Variants in SREBF2 observed in about 807,000 individuals in gnomAD.
The protein encoded by SREBF2 is sterol regulatory element binding transcription factor 2.
Under a neutral mutation model 113.1 loss-of-function variants are expected in SREBF2, and 55 were observed. The ratio of observed to expected loss-of-function variants is 0.49; its 90% CI spans 0.39 to 0.61. The LOEUF is 0.61. SREBF2 is among the 20% of genes least tolerant of loss of function. The pLI, the probability that SREBF2 is intolerant of heterozygous loss-of-function variation, is 0.00. For synonymous variants in SREBF2, 593 were observed against 605.7 expected (o/e 0.98, Z 0.31); for missense variants, 1,349 against 1,487.4 (o/e 0.91, Z 1.53).
At chr22:41,850,250 C>T (rs1372138780) in intron 1 of SREBF2, among the ~76,000 whole-genome samples, 3 of 151,972 alleles carry the variant, frequency 2.0e-5, no homozygotes, top group Non-Finnish European at 2.9e-5. Flanking sequence ...GAGATCAAGA[C>T]CATCCTGGCT....
Position 41,904,945 on chromosome 22 carries a change from G to T in SREBF2, c.3176G>T (p.Arg1059Leu). The T allele has an allele frequency of 6.2e-7, 1 of 1,601,670 alleles. No individual in the cohort carries two copies. The highest frequency in any genetic ancestry group is 8.5e-7 in the Non-Finnish European group (1 of 1,177,812). ...CACCAGCTGCTGGAACACAGCCTGC[G>T]GCGGCGCACCACGCAGAGCACCAAG... ...RTHQLLEHSL[R>L]RRTTQSTKHG... The change falls in exon 18 of 19, where the codon CGG becomes CTG. Residue 1059 changes from arginine to leucine, a missense_variant. Physicochemically the swap from Arg to Leu is moderately radical, Grantham distance 102. Around this residue, in one of 2 missense-constraint regions of SREBF2, gnomAD observed 650 missense variants for 644.1 expected, o/e 1.01. Transcript: ENST00000361204.
intron 11 of SREBF2, among the ~76,000 whole-genome samples, chr22:41,890,339 G>A (rs2077348011): frequency 1.3e-5 from 2 of 152,182 alleles, no homozygotes; most frequent in African/African-American, 4.8e-5. Context: ...TCCCCATCTA[G>A]TCACTTACAG....
Position 41,880,941 on chromosome 22 carries a change from G to A in SREBF2, c.1987G>A (p.Ala663Thr), listed in dbSNP as rs771171590. ...CTTTGAAGACGAAGCTAAGACCAGCGCCCGGGATGCGGCTCTGGCCTATCA... is the reference window on the plus strand; with the variant it reads ...CTTTGAAGACGAAGCTAAGACCAGCACCCGGGATGCGGCTCTGGCCTATCA... ...AGFEDEAKTS[A>T]RDAALAYHRL... Residue 663 changes from alanine to threonine, a missense_variant, in exon 10 of 19, where the codon GCC (alanine) becomes ACC (threonine). Coordinates refer to ENST00000361204, the MANE Select transcript of SREBF2 (RefSeq NM_004599.4). The A allele has an allele frequency of 9.3e-6, 15 of 1,612,016 alleles. No individual in the cohort carries two copies. The African/African-American group carries it at 1.1e-4, about 11-fold the overall frequency.
At chr22:41,878,799 G>GAGGT in intron 9 of SREBF2, 1 of 1,235,076 alleles carries the variant, frequency 8.1e-7, no homozygotes, top group Non-Finnish European at 1.1e-6. Flanking sequence ...GCAAGCTGCA[G>GAGGT]GGCCATTAGT....
At chr22:41,858,690 T>G (rs1161099002) in intron 1 of SREBF2, among the ~76,000 whole-genome samples, 1 of 152,052 alleles carries the variant, frequency 6.6e-6, no homozygotes, top group African/African-American at 2.4e-5. Context: ...GAGGCCACAG[T>G]GAGCTATGAT....
intron 8 of SREBF2, 135 bp from the exon 9 acceptor site, chr22:41,877,807 A>G: frequency 2.1e-6 from 2 of 956,810 alleles, no homozygotes; most frequent in East Asian, 2.4e-5. Context: ...CCCTGTTTAG[A>G]TTATAGAATT....
rs2077514162 is a variant in SREBF2 at position 41,906,929 on chromosome 22, C to T, written c.*1269C>T. On this transcript the variant is annotated 3_prime_UTR_variant, in exon 19 of 19. Coordinates refer to ENST00000361204, the MANE Select transcript of SREBF2 (RefSeq NM_004599.4). ...CCGGAGACTGTTTCTCCCATGGCCT[C>T]CTGAGTGATGGGCCCTGCCTCCCTG... 1 of 152,212 alleles carries T rather than the reference C, an allele frequency of 6.6e-6. No individual in the cohort carries two copies. The highest frequency in any genetic ancestry group is 1.5e-5 in the Non-Finnish European group (1 of 68,040). The allele number at this position is 152,212 out of a possible 1,614,324, so 9.4% of individuals were successfully genotyped here. A position where few individuals can be genotyped will look rare whatever the true frequency, so the allele number is the denominator to read the frequency against.
At chr22:41,836,620 T>C (rs2076778266) in intron 1 of SREBF2, among the ~76,000 whole-genome samples, 1 of 152,190 alleles carries the variant, frequency 6.6e-6, no homozygotes, top group South Asian at 2.1e-4. Flanking sequence ...CCTAGAACAG[T>C]GCCTGGCACA....
chr22:41,850,290 A>G (rs1201033602), intron 1 of SREBF2, among the ~76,000 whole-genome samples: 1 of 152,002 alleles, frequency 6.6e-6, no homozygotes, highest in Non-Finnish European at 1.5e-5. Flanking sequence ...TCTACTAAAA[A>G]TACCAAAAAT....
At chr22:41,881,121 A>G (rs1255052267) in intron 10 of SREBF2, 129 bp downstream of exon 10, 13 of 1,258,962 alleles carry the variant, frequency 1.0e-5, no homozygotes, top group African/African-American at 1.5e-5. Context: ...GAGTGGCTAG[A>G]CCAAGCTTCT....
intron 16 of SREBF2, 128 bp downstream of exon 16, chr22:41,900,626 C>A: frequency 1.0e-6 from 1 of 1,001,152 alleles, no homozygotes; most frequent in Non-Finnish European, 1.5e-6. Flanking sequence ...GACAGCAGCC[C>A]CCTTTCAAAA....
chr22:41,887,498 C>T (rs949982927), intron 11 of SREBF2, among the ~76,000 whole-genome samples: 3 of 152,140 alleles, frequency 2.0e-5, no homozygotes, highest in African/African-American at 7.2e-5. Flanking sequence ...GCAGTATACA[C>T]TGTTTTGTGT....
intron 11 of SREBF2, among the ~76,000 whole-genome samples, chr22:41,888,718 AAGAG>A (rs1569404321): frequency 1.3e-5 from 2 of 152,198 alleles, no homozygotes; most frequent in Non-Finnish European, 2.9e-5. Context: ...GCACCTCCAT[AAGAG>A]TTTCCTCAGA....
intron 15 of SREBF2, chr22:41,899,907 T>C: frequency 9.1e-7 from 1 of 1,099,276 alleles, no homozygotes; most frequent in Non-Finnish European, 1.1e-6. Flanking sequence ...CCACTCCCAG[T>C]CTCCTCTACA....
In SREBF2 at chr22:41,873,907, C is replaced by G; in HGVS notation, c.977C>G (p.Pro326Arg). 1 of 1,613,928 alleles carries G rather than the reference C, an allele frequency of 6.2e-7. No homozygotes were observed. The highest frequency in any genetic ancestry group is 8.5e-7 in the Non-Finnish European group (1 of 1,179,980). ...VPGGVKQLEPPKEGERRTTHN... is the reference protein window; with the variant it reads ...VPGGVKQLEPRKEGERRTTHN... ...GGGGGAGTCAAGCAGCTTGAGCCCCCCAAAGAAGGAGAAAGGCGGACAACC... is the reference window on the plus strand; with the variant it reads ...GGGGGAGTCAAGCAGCTTGAGCCCCGCAAAGAAGGAGAAAGGCGGACAACC... The change falls in exon 5 of 19, where the codon CCC (proline) becomes CGC (arginine). Residue 326 changes from proline (P) to arginine (R), a missense_variant. Coordinates refer to ENST00000361204, the MANE Select transcript of SREBF2 (RefSeq NM_004599.4).
At position 41,905,500 on chromosome 22, in the gene SREBF2, G is replaced by A. The variant is rs374602497; in HGVS notation, c.3266G>A (p.Arg1089His). The A allele has an allele frequency of 1.7e-5, 27 of 1,579,742 alleles. No homozygotes were observed. Among genetic ancestry groups the A allele is most frequent in the Non-Finnish European group, 2.1e-5 (25 of 1,163,470 alleles). ...ERATAILLACRHLPLSFLSSP... is the reference protein window; with the variant it reads ...ERATAILLACHHLPLSFLSSP... Reference sequence around the variant, plus strand: ...GCCACCGCCATCCTGCTGGCCTGCCGCCACCTGCCCCTCTCCTTCCTCTCC... The same window carrying A: ...GCCACCGCCATCCTGCTGGCCTGCCACCACCTGCCCCTCTCCTTCCTCTCC... The change falls in exon 19 of 19, where the codon CGC becomes CAC. Residue 1089 changes from arginine (R) to histidine (H), a missense_variant. Transcript: ENST00000361204.
intron 4 of SREBF2, among the ~76,000 whole-genome samples, chr22:41,871,508 C>G (rs941930343): frequency 6.6e-6 from 1 of 152,144 alleles, no homozygotes; most frequent in African/African-American, 2.4e-5. Flanking sequence ...TCATAAAATC[C>G]AAGAACTGGA....
intron 2 of SREBF2, 23 bp from the exon 3 acceptor site, chr22:41,868,588 C>G (rs372943021): frequency 1.8e-5 from 29 of 1,613,818 alleles, no homozygotes; most frequent in Non-Finnish European, 2.4e-5. Flanking sequence ...ATCTCTGTGC[C>G]TTCTTTCTCC....
At chr22:41,888,241 G>A (rs2077317689) in intron 11 of SREBF2, among the ~76,000 whole-genome samples, 1 of 152,188 alleles carries the variant, frequency 6.6e-6, no homozygotes, top group African/African-American at 2.4e-5. Flanking sequence ...ATTCTCCTAT[G>A]TTGTCTGCTA....
Sources: gnomAD v4.1 joint callset for allele counts (sites outside exome capture counted in the v4.1 genomes callset) on GRCh38, gnomAD v4.1.1 for gene constraint, gnomAD v4.1.1 regional missense constraint, MANE v1.5 for transcripts, NCBI Gene and HGNC (gene_info 2026-07-23, HGNC 2026-07-21) for gene names.